The following ARMC8 variants were observed in gnomAD, a reference collection of about 807,000 sequenced individuals.
ARMC8 encodes the protein armadillo repeat-containing protein 8.
In ARMC8, 20 loss-of-function variants were observed where a neutral mutation model predicts 99.3. The ratio of observed to expected loss-of-function variants is 0.20; its 90% CI spans 0.14 to 0.29. The LOEUF (loss-of-function observed/expected upper bound fraction) is 0.29, where lower values mean the gene tolerates loss of function less well. Among genes scored for constraint, ARMC8 ranks in the 10% least tolerant of loss-of-function variants. The pLI is 1.00. For missense variants in ARMC8, 569 were observed against 809.5 expected (o/e 0.70, Z 3.60); for synonymous variants, 263 against 278.3 (o/e 0.95, Z 0.55).
chr3:138,285,299 A>AAT (rs2050300981), intron 19 of ARMC8, among the ~76,000 whole-genome samples: 1 of 152,156 alleles, frequency 6.6e-6, no homozygotes, highest in South Asian at 2.1e-4. Flanking sequence ...TGTCTTATTA[A>AAT]GAGAAGAGAA....
intron 6 of ARMC8, among the ~76,000 whole-genome samples, chr3:138,229,693 C>A (rs561161425): frequency 6.6e-6 from 1 of 152,188 alleles, no homozygotes; most frequent in Admixed American, 6.5e-5. Context: ...GTTTCTCTTT[C>A]TTTTCTATGA....
At chr3:138,279,908 C>CT (rs888601409) in intron 18 of ARMC8, among the ~76,000 whole-genome samples, 126 of 148,928 alleles carry the variant, frequency 8.5e-4, no homozygotes, top group African/African-American at 2.6e-3. Context: ...TTGGTAATTC[C>CT]TTTTTTTTTT....
intron 6 of ARMC8, among the ~76,000 whole-genome samples, chr3:138,232,864 T>A (rs1033343305): frequency 6.6e-6 from 1 of 152,178 alleles, no homozygotes; most frequent in Non-Finnish European, 1.5e-5. Flanking sequence ...GGAAAAACAA[T>A]GAGGTGCAAG....
chr3:138,216,901 C>T (rs757319503), intron 2 of ARMC8, among the ~76,000 whole-genome samples: 2 of 152,180 alleles, frequency 1.3e-5, no homozygotes, highest in Non-Finnish European at 2.9e-5. Flanking sequence ...TCATGCTCTA[C>T]ACAATGATGT....
intron 1 of ARMC8, among the ~76,000 whole-genome samples, chr3:138,203,378 T>C (rs1373660792): frequency 1.3e-5 from 2 of 152,252 alleles, no homozygotes; most frequent in Non-Finnish European, 2.9e-5. Flanking sequence ...TTGGTGCCTC[T>C]GGCCCAAGAT....
At chr3:138,249,629 T>C (rs891210494) in intron 12 of ARMC8, among the ~76,000 whole-genome samples, 1 of 152,092 alleles carries the variant, frequency 6.6e-6, no homozygotes, top group African/African-American at 2.4e-5. Flanking sequence ...AGGTTATATA[T>C]ACTGATATAA....
chr3:138,222,054 T>G, intron 3 of ARMC8, 57 bp downstream of exon 3: 2 of 1,328,674 alleles, frequency 1.5e-6, no homozygotes, highest in Admixed American at 1.8e-5. Flanking sequence ...AATGTATTTC[T>G]TACTCTCAAT....
intron 12 of ARMC8, 30 bp from the exon 13 acceptor site, chr3:138,263,709 T>C (rs1418804543): frequency 1.3e-6 from 2 of 1,562,646 alleles, no homozygotes; most frequent in Admixed American, 3.3e-5. Flanking sequence ...TTCATGTTGT[T>C]ATTTATGCAG....
intron 11 of ARMC8, among the ~76,000 whole-genome samples, chr3:138,244,205 A>G (rs185162067): frequency 2.6e-5 from 4 of 152,302 alleles, no homozygotes; most frequent in Admixed American, 2.6e-4. Context: ...AATGGTTACC[A>G]TAGTATACGG....
At chr3:138,263,972 G>A in intron 13 of ARMC8, 151 bp downstream of exon 13, 2 of 954,074 alleles carry the variant, frequency 2.1e-6, no homozygotes, top group Non-Finnish European at 1.6e-6. Context: ...GTCTAACAGA[G>A]AGCCTGGCCT....
intron 7 of ARMC8, among the ~76,000 whole-genome samples, chr3:138,235,323 A>G (rs1174265549): frequency 6.6e-6 from 1 of 151,778 alleles, no homozygotes; most frequent in Non-Finnish European, 1.5e-5. Flanking sequence ...ATACAGTTGT[A>G]CCATGAGTTC....
intron 12 of ARMC8, among the ~76,000 whole-genome samples, chr3:138,255,599 T>C (rs1004045738): frequency 6.6e-6 from 1 of 152,122 alleles, no homozygotes; most frequent in African/African-American, 2.4e-5. Flanking sequence ...GAAGAAATAC[T>C]TTGTCAAGTG....
chr3:138,215,058 A>C (rs994020271), intron 2 of ARMC8, among the ~76,000 whole-genome samples: 2 of 152,196 alleles, frequency 1.3e-5, no homozygotes, highest in African/African-American at 4.8e-5. Flanking sequence ...TTCTGAGAGA[A>C]TTTGGTCAGA....
chr3:138,188,566 A>G, intron 1 of ARMC8: 1 of 1,613,860 alleles, frequency 6.2e-7, no homozygotes, highest in Non-Finnish European at 8.5e-7. Context: ...TATTGTTGGA[A>G]ACAAGCAGGC....
At chr3:138,235,241 T>C (rs533285376) in intron 7 of ARMC8, 127 bp downstream of exon 7, 9 of 657,918 alleles carry the variant, frequency 1.4e-5, no homozygotes, top group African/African-American at 5.6e-5. Flanking sequence ...TAAAATGTTA[T>C]AGGGCATCAT....
chr3:138,266,046 T>C (rs1396640156), intron 14 of ARMC8, among the ~76,000 whole-genome samples: 3 of 152,210 alleles, frequency 2.0e-5, no homozygotes, highest in Admixed American at 6.5e-5. Context: ...AATATGGTCT[T>C]ATGAGGCCTA....
chr3:138,236,567 T>A (rs1249951141), intron 7 of ARMC8, among the ~76,000 whole-genome samples: 2 of 152,218 alleles, frequency 1.3e-5, no homozygotes, highest in Non-Finnish European at 2.9e-5. Context: ...GTTCCTCCTG[T>A]GGGCACATGC....
chr3:138,210,672 A>G (rs1313185925), intron 2 of ARMC8, among the ~76,000 whole-genome samples: 1 of 152,128 alleles, frequency 6.6e-6, no homozygotes, highest in Non-Finnish European at 1.5e-5. Flanking sequence ...GAGGGCGCCC[A>G]TGAGGGAGGC....
chr3:138,234,558 A>G (rs1228541006), intron 6 of ARMC8, among the ~76,000 whole-genome samples: 1 of 152,216 alleles, frequency 6.6e-6, no homozygotes, highest in Non-Finnish European at 1.5e-5. Context: ...TTTGTGGTCC[A>G]GTTCCTTTTA....
Sources: allele counts gnomAD v4.1 joint callset (sites outside exome capture counted in the v4.1 genomes callset), GRCh38; gene constraint gnomAD v4.1.1; transcripts MANE v1.5; gene names NCBI Gene and HGNC (gene_info 2026-07-23, HGNC 2026-07-21).